Variants in PAPOLG observed in about 807,000 individuals in gnomAD.
PAPOLG encodes the protein PAP-gamma.
Under a neutral mutation model 99.0 loss-of-function variants are expected in PAPOLG, and 40 were observed. The ratio of observed to expected loss-of-function variants is 0.40; its 90% CI spans 0.31 to 0.53. The LOEUF (loss-of-function observed/expected upper bound fraction) is 0.53. PAPOLG is among the 20% of genes least tolerant of loss of function. PAPOLG has a pLI of 0.41. For missense variants in PAPOLG, 675 were observed against 884.1 expected (o/e 0.76, Z 3.00); for synonymous variants, 310 against 299.3 (o/e 1.04, Z -0.37).
intron 8 of PAPOLG, among the ~76,000 whole-genome samples, chr2:60,776,669 CT>C (rs1381599936): frequency 1.3e-5 from 2 of 152,116 alleles, no homozygotes; most frequent in African/African-American, 4.8e-5. Context: ...CTCAGGTGAT[CT>C]GCCTGCCTTG....
chr2:60,781,733 A>G (rs1671195777), intron 10 of PAPOLG, 152 bp from the exon 11 acceptor site: 1 of 967,402 alleles, frequency 1.0e-6, no homozygotes, highest in Non-Finnish European at 1.5e-6. Context: ...AACTTCAGAA[A>G]TAAATGCAGT....
intron 1 of PAPOLG, 119 bp downstream of exon 1, chr2:60,756,614 TCTC>T (rs1670349001): frequency 5.3e-6 from 6 of 1,136,702 alleles, no homozygotes; most frequent in Non-Finnish European, 7.3e-6. Flanking sequence ...GCCGGGATGG[TCTC>T]CTTCCCGGCT....
intron 21 of PAPOLG, among the ~76,000 whole-genome samples, chr2:60,795,561 C>G (rs1671671009): frequency 6.6e-6 from 1 of 151,632 alleles, no homozygotes; most frequent in Non-Finnish European, 1.5e-5. Flanking sequence ...TGCTAAAAAG[C>G]AAGTACTCAA....
At chr2:60,780,897 G>A in intron 10 of PAPOLG, 118 bp downstream of exon 10, 3 of 817,040 alleles carry the variant, frequency 3.7e-6, no homozygotes, top group East Asian at 2.5e-5. Flanking sequence ...TATAACTATA[G>A]TCCCCTTCCT....
At chr2:60,767,388 T>G (rs112287891) in intron 3 of PAPOLG, among the ~76,000 whole-genome samples, 2 of 151,616 alleles carry the variant, frequency 1.3e-5, no homozygotes, top group Non-Finnish European at 2.9e-5. Flanking sequence ...TTGTTGAGGC[T>G]GAACCTCCTG....
intron 18 of PAPOLG, 102 bp downstream of exon 18, chr2:60,793,817 G>A: frequency 6.8e-7 from 1 of 1,470,150 alleles, no homozygotes; most frequent in Non-Finnish European, 9.2e-7. Context: ...AGGCTAAGGT[G>A]GGAGGGTCAC....
rs752004708 is a variant in PAPOLG at position 60,787,042 on chromosome 2, C to G, written c.1262C>G (p.Pro421Arg). The change falls in exon 14 of 22, where the codon CCA (proline) becomes CGA (arginine). Residue 421 changes from proline (P) to arginine (R), a missense_variant. By Grantham distance (103) the Pro-to-Arg change is moderately radical. Around this residue, in one of 3 missense-constraint regions of PAPOLG, gnomAD observed 413 missense variants for 460.5 expected, o/e 0.90. Coordinates refer to ENST00000238714, the MANE Select transcript of PAPOLG (RefSeq NM_022894.4). ...TLAHVNPQSF[P>R]GNKEHHKDNN... Reference sequence around the variant, plus strand: ...GCCCATGTGAATCCCCAGTCATTCCCAGGGAATAAGGAACATCATAAAGAG... The same window carrying G: ...GCCCATGTGAATCCCCAGTCATTCCGAGGGAATAAGGAACATCATAAAGAG... 1.2e-6 allele frequency: 2 copies of G among 1,610,630 alleles called. No homozygotes were observed. The highest frequency in any genetic ancestry group is 2.2e-5 in the South Asian group (2 of 90,646).
chr2:60,762,334 C>T (rs1670544166), intron 3 of PAPOLG, among the ~76,000 whole-genome samples: 1 of 152,002 alleles, frequency 6.6e-6, no homozygotes, highest in Non-Finnish European at 1.5e-5. Flanking sequence ...AACCTTTTTC[C>T]CCTCCTGTAG....
intron 13 of PAPOLG, among the ~76,000 whole-genome samples, chr2:60,786,228 TTTTATTTA>T (rs760888141): frequency 6.6e-6 from 1 of 152,030 alleles, no homozygotes; most frequent in African/African-American, 2.4e-5. Flanking sequence ...GAAATTTTTA[TTTTATTTA>T]TTTATTTATT....
intron 11 of PAPOLG, 182 bp from the exon 12 acceptor site, chr2:60,782,504 C>T: frequency 3.8e-6 from 3 of 787,908 alleles, no homozygotes; most frequent in Non-Finnish European, 3.1e-6. Flanking sequence ...TTGCAGTGAG[C>T]CGAGATAGAT....
At chr2:60,783,420 C>A (rs756707612) in intron 13 of PAPOLG, among the ~76,000 whole-genome samples, 4 of 135,614 alleles carry the variant, frequency 2.9e-5, no homozygotes, top group Non-Finnish European at 6.1e-5. Flanking sequence ...AGGCTGATCT[C>A]GAGCTCCTGA....
At chr2:60,776,978 G>A (rs1671039921) in intron 8 of PAPOLG, among the ~76,000 whole-genome samples, 1 of 152,164 alleles carries the variant, frequency 6.6e-6, no homozygotes, top group Admixed American at 6.5e-5. Context: ...TTCTAGTTGT[G>A]GAGATGGCTT....
At chr2:60,792,991 G>A (rs539685821) in intron 17 of PAPOLG, among the ~76,000 whole-genome samples, 8 of 152,122 alleles carry the variant, frequency 5.3e-5, no homozygotes, top group South Asian at 2.1e-4. Context: ...AGCTGAGATC[G>A]TGCCATTGCA....
At chr2:60,758,140 A>C (rs1312449801) in intron 1 of PAPOLG, among the ~76,000 whole-genome samples, 3 of 152,170 alleles carry the variant, frequency 2.0e-5, no homozygotes, top group Non-Finnish European at 4.4e-5. Flanking sequence ...ACTCTGTCCT[A>C]TTCACTTACC....
chr2:60,793,594 C>T (rs746369842), intron 17 of PAPOLG, 33 bp from the exon 18 acceptor site: 1 of 1,605,620 alleles, frequency 6.2e-7, no homozygotes, highest in Admixed American at 1.7e-5. Flanking sequence ...ATATTTAAAT[C>T]ATTTATTGAT....
Position 60,783,150 on chromosome 2 carries a change from C to T in PAPOLG, c.1113-6C>T. The T allele has an allele frequency of 1.3e-6, 2 of 1,561,358 alleles. No homozygotes were observed. Among genetic ancestry groups the T allele is most frequent in the Non-Finnish European group, 1.7e-6 (2 of 1,159,268 alleles). ...TTTTTCCTGATTGTTGCTGAAAATTCTTCAGACATTATATAGTATTGACTG... is the reference window on the plus strand; with the variant it reads ...TTTTTCCTGATTGTTGCTGAAAATTTTTCAGACATTATATAGTATTGACTG... On this transcript the variant is annotated splice_region_variant and splice_polypyrimidine_tract_variant and intron_variant, in intron 12 of 21. Transcript: ENST00000238714.
chr2:60,792,201 C>T lies in PAPOLG; in HGVS notation c.1591C>T (p.Leu531=), dbSNP rs149643688. 12 of 1,609,028 alleles carry T rather than the reference C, an allele frequency of 7.5e-6. No individual in the cohort carries two copies. The highest frequency in any genetic ancestry group is 1.0e-5 in the Non-Finnish European group (12 of 1,179,034). ...SKRLSLDSSC[L]DSSRDTDNGT... is the part of the protein sequence containing the mutation. Reference sequence around the variant, plus strand: ...AAGATTGTCTCTGGATAGCAGTTGTCTGGATAGCTCCAGAGACACTGATAA... The same window carrying T: ...AAGATTGTCTCTGGATAGCAGTTGTTTGGATAGCTCCAGAGACACTGATAA... Residue 531 remains leucine (L), a synonymous_variant, in exon 17 of 22, where the codon CTG becomes TTG. Coordinates refer to ENST00000238714, the MANE Select transcript of PAPOLG (RefSeq NM_022894.4).
chr2:60,759,980 AT>A, intron 1 of PAPOLG, 153 bp from the exon 2 acceptor site: 2 of 248,454 alleles, frequency 8.0e-6, no homozygotes, highest in Non-Finnish European at 1.3e-5. Flanking sequence ...TAAAATACCC[AT>A]TTTTCCTTTA....
Position 60,792,220 on chromosome 2 carries a change from C to A in PAPOLG, c.1610C>A (p.Thr537Asn), listed in dbSNP as rs2103823441. 2 of 1,609,452 alleles carry A rather than the reference C, an allele frequency of 1.2e-6. No homozygotes were observed. Among genetic ancestry groups the A allele is most frequent in the South Asian group, 2.2e-5 (2 of 89,634 alleles). Residue 537 changes from threonine to asparagine, a missense_variant, in exon 17 of 22, where the codon ACT becomes AAT. By Grantham distance (65) the Thr-to-Asn change is moderately conservative. Transcript: ENST00000238714. ...DSSCLDSSRD[T>N]DNGTPFNSPA... ...AGTTGTCTGGATAGCTCCAGAGACA[C>A]TGATAATGGAACACCTTTTAATTCT...
Sources: allele counts gnomAD v4.1 joint callset (sites outside exome capture counted in the v4.1 genomes callset), GRCh38; gene constraint gnomAD v4.1.1; regional missense constraint gnomAD v4.1.1; transcripts MANE v1.5; gene names NCBI Gene and HGNC (gene_info 2026-07-23, HGNC 2026-07-21).